PDCD4: variants seen among roughly 807,000 people sequenced by gnomAD.
PDCD4 encodes programmed cell death 4.
PDCD4 carries 56 observed loss-of-function variants against 54.0 expected under a neutral mutation model. The observed-to-expected ratio is 1.04, with a 90% CI of 0.84 to 1.30. The LOEUF is 1.30. Among genes scored for constraint, PDCD4 ranks in the 50% most tolerant of loss-of-function variants. The probability of loss-of-function intolerance (pLI) is 0.00; values close to 1 mark genes in which losing one functional copy is unlikely to be tolerated. For synonymous variants in PDCD4, 186 were observed against 194.8 expected, an observed-to-expected ratio of 0.95 and a Z score of 0.37; for missense variants, 584 against 559.8, an observed-to-expected ratio of 1.04 and a Z score of -0.44.
At chr10:110,894,578 TG>T (rs1367236827) in intron 10 of PDCD4, 56 bp downstream of exon 10, 10 of 766,716 alleles carry the variant, frequency 1.3e-5, no homozygotes, top group Non-Finnish European at 1.8e-5. Context: ...AATATATGAT[TG>T]AATACAGATT....
chr10:110,894,374 G>A (rs1304023122), intron 9 of PDCD4, 38 bp from the exon 10 acceptor site: 1 of 1,140,144 alleles, frequency 8.8e-7, no homozygotes, highest in Non-Finnish European at 1.3e-6. Flanking sequence ...TTTCATATAT[G>A]AATTAACCAA....
intron 2 of PDCD4, among the ~76,000 whole-genome samples, chr10:110,880,822 T>TA (rs1384472676): frequency 6.6e-6 from 1 of 152,224 alleles, no homozygotes; most frequent in Non-Finnish European, 1.5e-5. Flanking sequence ...CTATAAATAT[T>TA]AGTTTATCTC....
At chr10:110,876,622 CTT>C in intron 2 of PDCD4, 3 of 552,148 alleles carry the variant, frequency 5.4e-6, no homozygotes, top group Non-Finnish European at 8.7e-6. Context: ...TTACTGGTAT[CTT>C]TGGTATCTTT....
Position 110,899,057 on chromosome 10 carries a change from A to G in PDCD4, c.*969A>G, listed in dbSNP as rs1282905790. The G allele has an allele frequency of 1.3e-5, 2 of 152,226 alleles. No individual in the cohort carries two copies. The highest frequency in any genetic ancestry group is 2.9e-5 in the Non-Finnish European group (2 of 68,032). The allele number at this position is 152,226 out of a possible 1,614,324, so 9.4% of individuals were successfully genotyped here. A position where few individuals can be genotyped will look rare whatever the true frequency, so the allele number is the denominator to read the frequency against. On this transcript the variant is annotated 3_prime_UTR_variant, in exon 12 of 12. Coordinates refer to ENST00000280154, the MANE Select transcript of PDCD4 (RefSeq NM_014456.5). ...TACCAAATAATGGCTAATGTTACAA[A>G]AAGTTATACTCCAGAGACCCAAAGC...
intron 2 of PDCD4, among the ~76,000 whole-genome samples, chr10:110,878,764 G>T (rs996436747): frequency 1.3e-5 from 2 of 152,140 alleles, no homozygotes; most frequent in African/African-American, 2.4e-5. Flanking sequence ...GTAAAATGAG[G>T]ATAAACAGTT....
At chr10:110,895,665 A>G (rs1845820449) in intron 10 of PDCD4, among the ~76,000 whole-genome samples, 1 of 152,200 alleles carries the variant, frequency 6.6e-6, no homozygotes, top group African/African-American at 2.4e-5. Flanking sequence ...ACCACTTTCT[A>G]CAGGGGCTGA....
At chr10:110,874,547 G>A (rs889737522) in intron 1 of PDCD4, among the ~76,000 whole-genome samples, 4 of 151,642 alleles carry the variant, frequency 2.6e-5, no homozygotes, top group African/African-American at 9.7e-5. Flanking sequence ...ATCTAAAGTT[G>A]GCGGGAGTTA....
At chr10:110,886,861 A>T (rs950613094) in intron 5 of PDCD4, among the ~76,000 whole-genome samples, 1 of 152,176 alleles carries the variant, frequency 6.6e-6, no homozygotes, top group Admixed American at 6.5e-5. Flanking sequence ...CAATAATCCC[A>T]TTTAAAAACA....
At chr10:110,896,197 T>C in intron 11 of PDCD4, 110 bp downstream of exon 11, 1 of 772,528 alleles carries the variant, frequency 1.3e-6, no homozygotes. Flanking sequence ...AGAACGTGAC[T>C]CTTGTGAGTT....
chr10:110,890,790 G>A, intron 8 of PDCD4, 120 bp downstream of exon 8: 1 of 463,434 alleles, frequency 2.2e-6, no homozygotes, highest in Non-Finnish European at 3.9e-6. Context: ...AGCTGCAATT[G>A]GAAAATGAAA....
chr10:110,890,440 G>T, intron 7 of PDCD4, 116 bp from the exon 8 acceptor site: 1 of 477,314 alleles, frequency 2.1e-6, no homozygotes, highest in Non-Finnish European at 3.8e-6. Flanking sequence ...ATTTTATTTT[G>T]CTTTTATGTT....
At chr10:110,876,460 A>G (rs952299177) in intron 2 of PDCD4, among the ~76,000 whole-genome samples, 8 of 152,130 alleles carry the variant, frequency 5.3e-5, no homozygotes, top group South Asian at 2.1e-4. Flanking sequence ...TGTGATTTTT[A>G]TTTTCATGGA....
Position 110,896,042 on chromosome 10 carries a change from A to G in PDCD4, c.1304A>G (p.Gln435Arg). The G allele has an allele frequency of 6.2e-7, 1 of 1,611,210 alleles. No homozygotes were observed. Among genetic ancestry groups the G allele is most frequent in the Non-Finnish European group, 8.5e-7 (1 of 1,178,116 alleles). The change falls in exon 11 of 12, where the codon CAG becomes CGG. Residue 435 changes from glutamine (Q) to arginine (R), a missense_variant. Gln to Arg is a conservative substitution (Grantham distance 43, BLOSUM62 1). Transcript: ENST00000280154. Reference protein sequence around the residue: ...VLERFVEECFQAGIISKQLRD... With the variant: ...VLERFVEECFRAGIISKQLRD... The stretch of plus-strand genomic sequence containing the variant: ...GAGCGGTTTGTAGAAGAATGTTTTC[A>G]GGCTGGAATAATTTCCAAACAACTC...
intron 10 of PDCD4, 117 bp from the exon 11 acceptor site, chr10:110,895,831 G>C: frequency 1.4e-6 from 1 of 717,894 alleles, no homozygotes; most frequent in Admixed American, 2.9e-5. Context: ...TCTGACTTCA[G>C]TTTAACCATT....
At chr10:110,881,819 GT>G (rs536166887) in intron 3 of PDCD4, among the ~76,000 whole-genome samples, 318 of 152,206 alleles carry the variant, frequency 2.1e-3, no homozygotes, top group African/African-American at 7.3e-3. Flanking sequence ...ACTGTTACGA[GT>G]TTTACGTATA....
At chr10:110,890,535 A>G (rs758843953) in intron 7 of PDCD4, 21 bp from the exon 8 acceptor site, 32 of 1,509,722 alleles carry the variant, frequency 2.1e-5, no homozygotes, top group Non-Finnish European at 2.9e-5. Context: ...ATCAAACTTA[A>G]ATTTTTTTCT....
chr10:110,883,170 T>A, intron 4 of PDCD4, 73 bp downstream of exon 4: 1 of 934,846 alleles, frequency 1.1e-6, no homozygotes, highest in Non-Finnish European at 1.7e-6. Flanking sequence ...TGTAGTTTAC[T>A]CATACATGTG....
In PDCD4 at chr10:110,899,801, A is replaced by G. The variant is rs1845939519; in HGVS notation, c.*1713A>G. The G allele has an allele frequency of 6.6e-6, 1 of 152,080 alleles. No individual in the cohort carries two copies. The highest frequency in any genetic ancestry group is 2.1e-4 in the South Asian group (1 of 4,826). The allele number at this position is 152,080 out of a possible 1,614,324, so 9.4% of individuals were successfully genotyped here. On this transcript the variant is annotated 3_prime_UTR_variant, in exon 12 of 12. Coordinates refer to ENST00000280154, the MANE Select transcript of PDCD4 (RefSeq NM_014456.5). ...CAAGAGTGAAACTCTTGTCTCAAAA[A>G]AAAAAAAAAATGAGGTTTAAGACAG...
Position 110,895,940 on chromosome 10 carries a change from T to C in PDCD4, c.1210-8T>C. On this transcript the variant is annotated splice_polypyrimidine_tract_variant and splice_region_variant and intron_variant, in intron 10 of 11. Transcript: ENST00000280154. ...CTAACAATTCTGCATGTAATTTCAT[T>C]GTTGTAGGGTTATGAGAGAATTTAC... 6.4e-7 allele frequency: 1 copy of C among 1,557,470 alleles called. No individual in the cohort carries two copies. Among genetic ancestry groups the C allele is most frequent in the Non-Finnish European group, 8.7e-7 (1 of 1,155,662 alleles).
Sources: allele counts gnomAD v4.1 joint callset (sites outside exome capture counted in the v4.1 genomes callset), GRCh38; gene constraint gnomAD v4.1.1; transcripts MANE v1.5; gene names NCBI Gene and HGNC (gene_info 2026-07-23, HGNC 2026-07-21).